BLTP1: variants seen among roughly 807,000 people sequenced by gnomAD.
BLTP1 encodes the protein bridge-like lipid transfer protein family member 1, also known as fragile site-associated protein.
the BLTP1 span, among the ~76,000 whole-genome samples, chr4:122,222,170 A>C: frequency 1.3e-5 from 2 of 152,176 alleles, no homozygotes; most frequent in African/African-American, 4.8e-5. Flanking sequence ...TTGCTTGTCT[A>C]CTTACCTTGT....
chr4:122,176,688 TG>T, the BLTP1 span, among the ~76,000 whole-genome samples: 10 of 152,294 alleles, frequency 6.6e-5, no homozygotes, highest in South Asian at 2.1e-3. Context: ...TTTTCTATTA[TG>T]ACTTCTTAGG....
At chr4:122,347,111 T>C in the BLTP1 span, 2 of 983,926 alleles carry the variant, frequency 2.0e-6, no homozygotes, top group Non-Finnish European at 2.4e-6. Flanking sequence ...ATATCCAAGT[T>C]AATCATGGTT....
At chr4:122,317,366 A>G in the BLTP1 span, among the ~76,000 whole-genome samples, 5 of 151,180 alleles carry the variant, frequency 3.3e-5, no homozygotes, top group African/African-American at 1.2e-4. Flanking sequence ...CTAGTGTCCT[A>G]GTGTTTTTCA....
At chr4:122,178,585 G>T in the BLTP1 span, among the ~76,000 whole-genome samples, 3 of 152,126 alleles carry the variant, frequency 2.0e-5, no homozygotes, top group African/African-American at 7.3e-5. Flanking sequence ...AAAGAGAAAG[G>T]TATTAATTTC....
chr4:122,301,704 CA>C, the BLTP1 span, among the ~76,000 whole-genome samples: 1 of 152,068 alleles, frequency 6.6e-6, no homozygotes, highest in African/African-American at 2.4e-5. Context: ...ACAGTTGTAA[CA>C]ATTTATTCAG....
At chr4:122,226,463 A>G in the BLTP1 span, 40 of 1,247,248 alleles carry the variant, frequency 3.2e-5, no homozygotes, top group Non-Finnish European at 3.5e-5. Context: ...GAAATTTTTC[A>G]GTTGCAATTA....
At chr4:122,180,445 C>A in the BLTP1 span, among the ~76,000 whole-genome samples, 1 of 152,186 alleles carries the variant, frequency 6.6e-6, no homozygotes, top group Non-Finnish European at 1.5e-5. Flanking sequence ...CTCTATTGCA[C>A]TCTTGCTGTG....
At chr4:122,261,406 C>G in the BLTP1 span, 1 of 985,208 alleles carries the variant, frequency 1.0e-6, no homozygotes, top group Non-Finnish European at 1.2e-6. Flanking sequence ...ATTCCAAATG[C>G]TTAGTTTCCG....
chr4:122,330,675 CCCTA>C, the BLTP1 span, among the ~76,000 whole-genome samples: 1 of 151,828 alleles, frequency 6.6e-6, no homozygotes, highest in Non-Finnish European at 1.5e-5. Flanking sequence ...TGCCTTTTCA[CCCTA>C]TTGTTTCCAT....
the BLTP1 span, among the ~76,000 whole-genome samples, chr4:122,166,800 A>T: frequency 6.6e-6 from 1 of 152,098 alleles, no homozygotes. Context: ...ATCCCTTGTA[A>T]GTTGGATTCC....
the BLTP1 span, chr4:122,298,271 A>G: frequency 1.1e-6 from 1 of 920,994 alleles, no homozygotes; most frequent in Non-Finnish European, 1.3e-6. Context: ...TGTTTGTTGT[A>G]TCTCATGATG....
At chr4:122,357,405 A>G in the BLTP1 span, among the ~76,000 whole-genome samples, 4,303 of 152,082 alleles carry the variant, frequency 0.028, 135 homozygotes, top group African/African-American at 0.08. Flanking sequence ...TCTACAAAAA[A>G]TACAAAAATT....
chr4:122,275,927 GCCT>G, the BLTP1 span: 1 of 1,496,578 alleles, frequency 6.7e-7, no homozygotes, highest in Non-Finnish European at 8.9e-7. Context: ...ATGTTTATTT[GCCT>G]CCTTTTTGTT....
chr4:122,233,033 T>A, the BLTP1 span, among the ~76,000 whole-genome samples: 1 of 152,190 alleles, frequency 6.6e-6, no homozygotes, highest in East Asian at 1.9e-4. Flanking sequence ...TAATGTTTTT[T>A]AAAAATATGG....
the BLTP1 span, among the ~76,000 whole-genome samples, chr4:122,251,890 C>A: frequency 6.6e-6 from 1 of 152,188 alleles, no homozygotes; most frequent in African/African-American, 2.4e-5. Flanking sequence ...AATGACACTT[C>A]TCTTTCCCAC....
At chr4:122,351,872 C>T in the BLTP1 span, among the ~76,000 whole-genome samples, 1 of 152,114 alleles carries the variant, frequency 6.6e-6, no homozygotes, top group Admixed American at 6.6e-5. Context: ...GAATACAATT[C>T]ATGATCTTTG....
chr4:122,224,925 G>A, the BLTP1 span: 1 of 1,281,220 alleles, frequency 7.8e-7, no homozygotes, highest in Non-Finnish European at 9.9e-7. Flanking sequence ...CAAAGAATTT[G>A]AGACTTTCTT....
At chr4:122,314,808 A>C in the BLTP1 span, among the ~76,000 whole-genome samples, 2 of 152,154 alleles carry the variant, frequency 1.3e-5, no homozygotes, top group Non-Finnish European at 1.5e-5. Flanking sequence ...TAGATTAACC[A>C]AAAGGGGATG....
chr4:122,346,346 A>C, the BLTP1 span: 5 of 500,198 alleles, frequency 1.0e-5, no homozygotes, highest in Non-Finnish European at 1.3e-5. Flanking sequence ...GCTGTGTTAA[A>C]ATTGAAAGCT....
Sources: allele counts gnomAD v4.1 joint callset (sites outside exome capture counted in the v4.1 genomes callset), GRCh38; gene constraint gnomAD v4.1.1; transcripts MANE v1.5; gene names NCBI Gene and HGNC (gene_info 2026-07-23, HGNC 2026-07-21).